TNFSF13B: variants seen among roughly 807,000 people sequenced by gnomAD.
The protein encoded by TNFSF13B is TNF superfamily member 13b.
Under a neutral mutation model 29.1 loss-of-function variants are expected in TNFSF13B, and 8 were observed. The ratio of observed to expected loss-of-function variants is 0.27; its 90% confidence interval spans 0.16 to 0.50. The LOEUF is 0.50. TNFSF13B is among the 20% of genes least tolerant of loss of function. The pLI, the probability that TNFSF13B is intolerant of heterozygous loss-of-function variation, is 0.98. For synonymous variants in TNFSF13B, 125 were observed against 130.8 expected (o/e 0.96, Z 0.30); for missense variants, 248 against 334.9 (o/e 0.74, Z 2.03).
chr13:108,270,782 A>T (rs1197317913), intron 2 of TNFSF13B, among the ~76,000 whole-genome samples: 2 of 152,326 alleles, frequency 1.3e-5, no homozygotes, highest in Non-Finnish European at 2.9e-5. Flanking sequence ...AAAAATAAAA[A>T]AAAGCATTAC....
chr13:108,307,037 A>G lies in TNFSF13B; in HGVS notation c.*99A>G. On this transcript the variant is annotated 3_prime_UTR_variant, in exon 6 of 6. Transcript: ENST00000375887. ...ATACCAAAAAAAAAAAAAAAAAAAA[A>G]AAAAAAAAAAGTAGTTACCATTGCC... The G allele has an allele frequency of 1.4e-6, 1 of 714,384 alleles. No homozygotes were observed. Among genetic ancestry groups the G allele is most frequent in the Non-Finnish European group, 2.2e-6 (1 of 461,144 alleles). The allele number at this position is 714,384 out of a possible 1,614,324, so 44.3% of individuals were successfully genotyped here.
At chr13:108,286,628 C>CAT (rs34506170) in intron 2 of TNFSF13B, among the ~76,000 whole-genome samples, 175 bp from the exon 3 acceptor site, 1 of 151,534 alleles carries the variant, frequency 6.6e-6, no homozygotes, top group Non-Finnish European at 1.5e-5. Context: ...ATATATATAT[C>CAT]ATATATATAA....
chr13:108,294,671 G>GCAGTTGTTCACTTGTT (rs1435408785), intron 3 of TNFSF13B, among the ~76,000 whole-genome samples: 3,588 of 143,690 alleles, frequency 0.025, 214 homozygotes, highest in African/African-American at 0.029. Flanking sequence ...ATTCTGGCCT[G>GCAGTTGTTCACTTGTT]TAGTTTTTTG....
intron 2 of TNFSF13B, among the ~76,000 whole-genome samples, chr13:108,284,070 T>C (rs1034214694): frequency 4.9e-4 from 75 of 152,216 alleles, no homozygotes; most frequent in Admixed American, 2.9e-3. Flanking sequence ...GTGGCTCACG[T>C]CTGTAATCCC....
chr13:108,285,623 A>T (rs573173439), intron 2 of TNFSF13B, among the ~76,000 whole-genome samples: 4 of 152,186 alleles, frequency 2.6e-5, no homozygotes, highest in Non-Finnish European at 5.9e-5. Context: ...CCACCATCAG[A>T]TATGCAGTTT....
intron 5 of TNFSF13B, 91 bp from the exon 6 acceptor site, chr13:108,306,735 T>TC (rs1566411019): frequency 3.8e-6 from 3 of 779,270 alleles, no homozygotes; most frequent in Non-Finnish European, 6.2e-6. Flanking sequence ...TGTTAACATT[T>TC]TTTTTTTACA....
At chr13:108,294,960 C>T (rs1262151518) in intron 3 of TNFSF13B, among the ~76,000 whole-genome samples, 2 of 144,436 alleles carry the variant, frequency 1.4e-5, no homozygotes, top group Non-Finnish European at 3.1e-5. Flanking sequence ...AGGAATTTGT[C>T]CCATTTGTCT....
At chr13:108,304,235 C>T (rs1311300031) in intron 5 of TNFSF13B, among the ~76,000 whole-genome samples, 1 of 152,122 alleles carries the variant, frequency 6.6e-6, no homozygotes, top group East Asian at 1.9e-4. Flanking sequence ...ACAATGGCTT[C>T]TTTCTAAATA....
intron 3 of TNFSF13B, 89 bp from the exon 4 acceptor site, chr13:108,303,164 C>A: frequency 1.3e-6 from 1 of 799,186 alleles, no homozygotes; most frequent in Non-Finnish European, 1.9e-6. Context: ...GAATTATCTT[C>A]TAAGTTTCAG....
At chr13:108,280,733 C>G (rs1376498322) in intron 2 of TNFSF13B, among the ~76,000 whole-genome samples, 1 of 148,020 alleles carries the variant, frequency 6.8e-6, no homozygotes, top group Non-Finnish European at 1.5e-5. Context: ...TTTTTTTACT[C>G]TTAGTGCCTA....
intron 2 of TNFSF13B, among the ~76,000 whole-genome samples, chr13:108,275,515 A>G (rs1301801553): frequency 1.3e-5 from 2 of 152,120 alleles, no homozygotes; most frequent in Non-Finnish European, 2.9e-5. Context: ...AATTTTAATA[A>G]TAAAATAATA....
chr13:108,303,133 CTTTCT>C, intron 3 of TNFSF13B, 115 bp from the exon 4 acceptor site: 3 of 738,634 alleles, frequency 4.1e-6, no homozygotes, highest in Non-Finnish European at 6.3e-6. Flanking sequence ...TTCTTTCTTT[CTTTCT>C]TTTTTTTTTA....
chr13:108,284,110 A>C (rs1342905773), intron 2 of TNFSF13B, among the ~76,000 whole-genome samples: 1 of 152,136 alleles, frequency 6.6e-6, no homozygotes, highest in Admixed American at 6.6e-5. Flanking sequence ...TGGGCGGTTC[A>C]CGAGGTCAGG....
chr13:108,277,218 C>T (rs1281088832), intron 2 of TNFSF13B, among the ~76,000 whole-genome samples: 2 of 152,118 alleles, frequency 1.3e-5, no homozygotes, highest in African/African-American at 4.8e-5. Flanking sequence ...AAAGCTGCAA[C>T]CCAGAGAATC....
At chr13:108,303,189 C>A in intron 3 of TNFSF13B, 64 bp from the exon 4 acceptor site, 2 of 1,044,494 alleles carry the variant, frequency 1.9e-6, no homozygotes, top group Admixed American at 2.3e-5. Context: ...AGCTTAACAA[C>A]TAAATGGAGG....
Position 108,286,800 on chromosome 13 carries a change from T to C in TNFSF13B, c.425-3T>C, listed in dbSNP as rs372448164. On this transcript the variant is annotated splice_region_variant and splice_polypyrimidine_tract_variant and intron_variant, in intron 2 of 5. Coordinates refer to ENST00000375887, the MANE Select transcript of TNFSF13B (RefSeq NM_006573.5). ...ACTAAAATGATAAATTTTTGCTTTT[T>C]AGTCACTCAAGACTGCTTGCAACTG... is the stretch of plus-strand genomic sequence containing the variant. 1.0e-5 allele frequency: 16 copies of C among 1,557,674 alleles called. No individual in the cohort carries two copies. The South Asian group carries it at 1.3e-4, about 13-fold the overall frequency.
intron 2 of TNFSF13B, among the ~76,000 whole-genome samples, chr13:108,275,758 A>G (rs1322538471): frequency 1.3e-5 from 2 of 152,172 alleles, no homozygotes; most frequent in African/African-American, 4.8e-5. Flanking sequence ...TTATATGAAC[A>G]TGGTATTTCA....
chr13:108,270,633 A>G (rs1257199644), intron 2 of TNFSF13B, among the ~76,000 whole-genome samples: 1 of 152,166 alleles, frequency 6.6e-6, no homozygotes, highest in East Asian at 1.9e-4. Context: ...CAATGAGCAG[A>G]TCGTGTGACT....
At chr13:108,303,156 A>T in intron 3 of TNFSF13B, 97 bp from the exon 4 acceptor site, 2 of 796,316 alleles carry the variant, frequency 2.5e-6, no homozygotes, top group Non-Finnish European at 1.9e-6. Context: ...TTAGGATGGA[A>T]TTATCTTCTA....
Sources: allele counts gnomAD v4.1 joint callset (sites outside exome capture counted in the v4.1 genomes callset), GRCh38; gene constraint gnomAD v4.1.1; transcripts MANE v1.5; gene names NCBI Gene and HGNC (gene_info 2026-07-23, HGNC 2026-07-21).